Variants in TTLL5 observed in about 807,000 individuals in gnomAD.
The protein encoded by TTLL5 is tubulin polyglutamylase TTLL5.
A neutral mutation model predicts 168.4 loss-of-function variants in TTLL5; 132 were observed. The observed-to-expected ratio is 0.78, with a 90% confidence interval of 0.68 to 0.91. The LOEUF (loss-of-function observed/expected upper bound fraction) is 0.91. Among genes scored for constraint, TTLL5 ranks in the 40% least tolerant of loss-of-function variants. The pLI, the probability that TTLL5 is intolerant of heterozygous loss-of-function variation, is 0.00. For missense variants in TTLL5, 1,545 were observed against 1,581.5 expected (o/e 0.98, Z 0.39); for synonymous variants, 546 against 558.6 (o/e 0.98, Z 0.32).
intron 31 of TTLL5, among the ~76,000 whole-genome samples, chr14:75,928,520 G>A (rs959502522): frequency 4.6e-5 from 7 of 151,448 alleles, no homozygotes; most frequent in Non-Finnish European, 1.0e-4. Context: ...TCTTTTCAGA[G>A]AGCATTAGAA....
intron 20 of TTLL5, among the ~76,000 whole-genome samples, chr14:75,771,451 G>A (rs914419575): frequency 6.6e-6 from 1 of 152,098 alleles, no homozygotes; most frequent in African/African-American, 2.4e-5. Flanking sequence ...CAAAGAGAAG[G>A]AGTAAGAAAT....
At chr14:75,844,330 C>G (rs1273303706) in intron 28 of TTLL5, among the ~76,000 whole-genome samples, 5 of 152,170 alleles carry the variant, frequency 3.3e-5, no homozygotes, top group African/African-American at 4.8e-5. Flanking sequence ...TATTGTTCCT[C>G]CATTGTATTG....
rs112819600 is a variant in TTLL5 at position 75,908,618 on chromosome 14, T to C, written c.3823+6394T>C. Among the ~76,000 whole-genome samples the C allele has an allele frequency of 6.0e-3, 920 of 152,326 alleles. 9 individuals are homozygous for C. The highest frequency in any genetic ancestry group is 0.022 in the African/African-American group (894 of 41,566). On this transcript the variant is annotated intron_variant, in intron 31 of 31. Coordinates refer to ENST00000298832, the MANE Select transcript of TTLL5 (RefSeq NM_015072.5). ...CTTATCAGAGTGGAGGGAGCTGTGC[T>C]GAAGGATATTAGGAGCAAAGCCTGT...
At chr14:75,942,944 A>G (rs972868020) in intron 31 of TTLL5, among the ~76,000 whole-genome samples, 3 of 152,286 alleles carry the variant, frequency 2.0e-5, no homozygotes, top group Admixed American at 2.0e-4. Flanking sequence ...AACTTCATTT[A>G]TTTCATAAAT....
At chr14:75,804,509 G>A (rs1203810189) in intron 27 of TTLL5, among the ~76,000 whole-genome samples, 1 of 152,200 alleles carries the variant, frequency 6.6e-6, no homozygotes, top group African/African-American at 2.4e-5. Context: ...TTCAGCAATT[G>A]GCACTGGAAA....
At chr14:75,931,644 C>T (rs1359057489) in intron 31 of TTLL5, among the ~76,000 whole-genome samples, 12 of 152,114 alleles carry the variant, frequency 7.9e-5, no homozygotes, top group African/African-American at 2.9e-4. Flanking sequence ...TCAGAAGCTC[C>T]CTTTAAAGTG....
chr14:75,699,373 T>C (rs1382140015), intron 7 of TTLL5, 103 bp downstream of exon 7: 2 of 1,051,948 alleles, frequency 1.9e-6, no homozygotes, highest in African/African-American at 3.2e-5. Flanking sequence ...AGAGCAGGTG[T>C]GCTCTTCTTA....
intron 2 of TTLL5, among the ~76,000 whole-genome samples, chr14:75,664,636 G>A (rs961345699): frequency 2.0e-5 from 3 of 152,158 alleles, no homozygotes; most frequent in Admixed American, 6.5e-5. Context: ...TTGAGGAAAC[G>A]TTTCTTATCA....
intron 24 of TTLL5, 122 bp from the exon 25 acceptor site, chr14:75,782,365 C>A (rs1405887847): frequency 2.9e-6 from 2 of 699,868 alleles, no homozygotes; most frequent in Non-Finnish European, 4.5e-6. Flanking sequence ...TGTGATGAGA[C>A]GTGCCATGTT....
intron 7 of TTLL5, among the ~76,000 whole-genome samples, chr14:75,704,950 G>A (rs1886547717): frequency 6.6e-6 from 1 of 152,214 alleles, no homozygotes; most frequent in African/African-American, 2.4e-5. Flanking sequence ...ACCACTATCA[G>A]CATATTCTCT....
intron 26 of TTLL5, among the ~76,000 whole-genome samples, chr14:75,787,719 T>C (rs916369147): frequency 6.6e-6 from 1 of 152,204 alleles, no homozygotes; most frequent in African/African-American, 2.4e-5. Context: ...GTACATGATA[T>C]ATTTATAAAA....
At chr14:75,888,762 C>T (rs147369943) in intron 30 of TTLL5, among the ~76,000 whole-genome samples, 73 of 151,628 alleles carry the variant, frequency 4.8e-4, no homozygotes, top group African/African-American at 1.6e-3. Flanking sequence ...GGTAAAAGCC[C>T]GTCTCTGCTA....
At chr14:75,783,660 T>C in intron 26 of TTLL5, 130 bp downstream of exon 26, 1 of 1,285,552 alleles carries the variant, frequency 7.8e-7, no homozygotes, top group South Asian at 1.6e-5. Flanking sequence ...TGCATTGTTC[T>C]GACGTGACTA....
At chr14:75,743,236 T>C (rs544051581) in intron 15 of TTLL5, among the ~76,000 whole-genome samples, 1 of 152,224 alleles carries the variant, frequency 6.6e-6, no homozygotes, top group Non-Finnish European at 1.5e-5. Flanking sequence ...TTAGCTTTTA[T>C]AACTCCCATG....
intron 30 of TTLL5, among the ~76,000 whole-genome samples, chr14:75,895,564 G>A (rs1311348299): frequency 2.0e-5 from 3 of 151,894 alleles, no homozygotes; most frequent in Non-Finnish European, 4.4e-5. Context: ...TAAAAAAATA[G>A]AGTACCTATT....
intron 7 of TTLL5, among the ~76,000 whole-genome samples, chr14:75,700,199 C>T (rs900870075): frequency 1.3e-5 from 2 of 152,086 alleles, no homozygotes; most frequent in Non-Finnish European, 1.5e-5. Flanking sequence ...TGAGAGGGCC[C>T]CCGCTACCAC....
intron 18 of TTLL5, 113 bp from the exon 19 acceptor site, chr14:75,764,502 A>G (rs1375706971): frequency 7.8e-7 from 1 of 1,275,774 alleles, no homozygotes; most frequent in Non-Finnish European, 1.1e-6. Flanking sequence ...TTTAGAATTC[A>G]CTTGAGTTAC....
chr14:75,840,269 G>A (rs1896146686), intron 28 of TTLL5, among the ~76,000 whole-genome samples: 1 of 152,152 alleles, frequency 6.6e-6, no homozygotes, highest in Non-Finnish European at 1.5e-5. Flanking sequence ...GGATACATAT[G>A]CAGAACGTGC....
intron 15 of TTLL5, 151 bp downstream of exon 15, chr14:75,735,440 T>C (rs1269516555): frequency 5.8e-6 from 4 of 687,122 alleles, no homozygotes; most frequent in South Asian, 5.3e-5. Context: ...TATATTCAGC[T>C]GTGGCTAATA....
Sources: gnomAD v4.1 joint callset for allele counts (sites outside exome capture counted in the v4.1 genomes callset) on GRCh38, gnomAD v4.1.1 for gene constraint, MANE v1.5 for transcripts, NCBI Gene and HGNC (gene_info 2026-07-23, HGNC 2026-07-21) for gene names.